Variants in STIM2 observed in about 807,000 individuals in gnomAD.
STIM2 encodes stromal interaction molecule 2.
STIM2 carries 31 observed loss-of-function variants against 85.8 expected under a neutral mutation model. The observed-to-expected ratio is 0.36, with a 90% confidence interval of 0.27 to 0.49. STIM2 has a LOEUF of 0.49. Among genes scored for constraint, STIM2 ranks in the 20% least tolerant of loss-of-function variants. The pLI, the probability that STIM2 is intolerant of heterozygous loss-of-function variation, is 0.98. For synonymous variants in STIM2, 356 were observed against 331.1 expected, an observed-to-expected ratio of 1.08 and a Z score of -0.82; for missense variants, 841 against 927.6, an observed-to-expected ratio of 0.91 and a Z score of 1.21.
intron 3 of STIM2, among the ~76,000 whole-genome samples, chr4:26,971,384 A>G (rs934102242): frequency 2.6e-5 from 4 of 152,146 alleles, no homozygotes; most frequent in South Asian, 2.1e-4. Context: ...TAGGTCTAAC[A>G]TTTAATTCTT....
chr4:26,908,452 TAATC>T (rs1191044570), intron 1 of STIM2, among the ~76,000 whole-genome samples: 6 of 152,176 alleles, frequency 3.9e-5, no homozygotes, highest in African/African-American at 1.2e-4. Flanking sequence ...TTGAATTAGA[TAATC>T]AAGTAAAGCA....
At chr4:26,967,224 T>G (rs1726756881) in intron 3 of STIM2, among the ~76,000 whole-genome samples, 2 of 152,124 alleles carry the variant, frequency 1.3e-5, no homozygotes, top group African/African-American at 2.4e-5. Context: ...CACTGGGAGA[T>G]TATAGTTGCA....
At position 27,017,899 on chromosome 4, in the gene STIM2, G is replaced by C. The variant is rs1370209711; in HGVS notation, c.1678G>C (p.Asp560His). The C allele has an allele frequency of 6.2e-7, 1 of 1,613,978 alleles. No individual in the cohort carries two copies. Among genetic ancestry groups the C allele is most frequent in the East Asian group, 2.2e-5 (1 of 44,882 alleles). The change falls in exon 11 of 12, where the codon GAT becomes CAT. Residue 560 changes from aspartate to histidine, a missense_variant. Coordinates refer to ENST00000467087, the MANE Select transcript of STIM2 (RefSeq NM_020860.4). Reference sequence around the variant, plus strand: ...ACACTCCTTGCCTTCCCCTGATCCAGATATCCTCTCAGTGTCAAGTTGCCC... The same window carrying C: ...ACACTCCTTGCCTTCCCCTGATCCACATATCCTCTCAGTGTCAAGTTGCCC...
At chr4:26,927,714 TAA>T (rs1179685123) in intron 2 of STIM2, among the ~76,000 whole-genome samples, 2 of 35,688 alleles carry the variant, frequency 5.6e-5, no homozygotes, top group Admixed American at 2.9e-4. Flanking sequence ...AAAACTTGAA[TAA>T]AAAAAAAAAC....
chr4:27,008,885 C>T lies in STIM2; in HGVS notation c.1372C>T (p.Leu458Phe), dbSNP rs149693330. Reference sequence around the variant, plus strand: ...AGGACTCCCCAGCCTGACCTCTTCCCTTTATTCTGATCACAGCTGGGTGGT... The same window carrying T: ...AGGACTCCCCAGCCTGACCTCTTCCTTTTATTCTGATCACAGCTGGGTGGT... The change falls in exon 10 of 12, where the codon CTT (leucine) becomes TTT (phenylalanine). Residue 458 changes from leucine (L) to phenylalanine (F), a missense_variant. Coordinates refer to ENST00000467087, the MANE Select transcript of STIM2 (RefSeq NM_020860.4). 75 of 1,614,052 alleles carry T rather than the reference C, an allele frequency of 4.6e-5. No homozygotes were observed. The highest frequency in any genetic ancestry group is 6.3e-5 in the Non-Finnish European group (74 of 1,180,030).
chr4:27,024,908 G>A lies in STIM2; in HGVS notation c.*1912G>A, dbSNP rs974720012. 2.6e-5 allele frequency: 4 copies of A among 152,210 alleles called. No individual in the cohort carries two copies. The highest frequency in any genetic ancestry group is 5.9e-5 in the Non-Finnish European group (4 of 68,052). 9.4% of individuals were successfully genotyped at this position (152,210 alleles called of 1,614,324 possible). The stretch of plus-strand genomic sequence containing the variant: ...AGGAATGAGAACTTTGCAGTTGGAT[G>A]AATAGAGAAGGGAAAAGTTGCTGGA... On this transcript the variant is annotated 3_prime_UTR_variant, in exon 12 of 12. Coordinates refer to ENST00000467087, the MANE Select transcript of STIM2 (RefSeq NM_020860.4).
At chr4:26,885,877 A>ATATGTC (rs1560194746) in intron 1 of STIM2, among the ~76,000 whole-genome samples, 26 of 132,016 alleles carry the variant, frequency 2.0e-4, no homozygotes, top group African/African-American at 7.2e-4. Flanking sequence ...ATATATATGT[A>ATATGTC]TATGTCTATT....
chr4:26,964,499 T>C (rs997029066), intron 3 of STIM2, among the ~76,000 whole-genome samples: 9 of 152,078 alleles, frequency 5.9e-5, no homozygotes, highest in Non-Finnish European at 1.2e-4. Context: ...ATAATGTGGC[T>C]TTGAGTGGGA....
At chr4:26,967,791 G>A (rs966076402) in intron 3 of STIM2, among the ~76,000 whole-genome samples, 2 of 152,044 alleles carry the variant, frequency 1.3e-5, no homozygotes, top group Non-Finnish European at 2.9e-5. Flanking sequence ...CTTCGTAAGT[G>A]ATTTCTTCCC....
At chr4:26,929,101 A>T (rs1221331934) in intron 2 of STIM2, among the ~76,000 whole-genome samples, 1 of 152,186 alleles carries the variant, frequency 6.6e-6, no homozygotes, top group East Asian at 1.9e-4. Context: ...TGAGAAGAAT[A>T]ATATTAAATA....
intron 2 of STIM2, among the ~76,000 whole-genome samples, chr4:26,936,199 T>G (rs1333600051): frequency 6.6e-6 from 1 of 152,236 alleles, no homozygotes; most frequent in Non-Finnish European, 1.5e-5. Context: ...ATTGTGAAAC[T>G]TCTACCTGGT....
At chr4:26,988,152 G>T (rs1197742985) in intron 3 of STIM2, among the ~76,000 whole-genome samples, 3 of 152,174 alleles carry the variant, frequency 2.0e-5, no homozygotes, top group Non-Finnish European at 4.4e-5. Flanking sequence ...GCATTTTTTT[G>T]TGTGTTAATC....
intron 2 of STIM2, among the ~76,000 whole-genome samples, chr4:26,945,527 C>A (rs934245110): frequency 6.6e-6 from 1 of 152,184 alleles, no homozygotes; most frequent in Non-Finnish European, 1.5e-5. Context: ...AATGGCCACA[C>A]TGTCTTCCAC....
At position 26,868,177 on chromosome 4, in the gene STIM2, C is replaced by T. The variant is rs1722473378; in HGVS notation, c.151+6808C>T. Among the ~76,000 whole-genome samples the T allele has an allele frequency of 2.0e-5, 3 of 152,188 alleles. No homozygotes were observed. In the South Asian group the frequency reaches 6.2e-4, roughly 32 times the overall value. On this transcript the variant is annotated intron_variant, in intron 1 of 11. Transcript: ENST00000467087. The stretch of plus-strand genomic sequence containing the variant: ...TTTTCATAAGATAGTGGTAACTCCC[C>T]TCCAGTACACACAGGCTGATTGGAG...
intron 1 of STIM2, among the ~76,000 whole-genome samples, chr4:26,885,859 A>ATATATGTGTATATATATATATATATG (rs1553845028): frequency 5.6e-5 from 5 of 89,430 alleles, no homozygotes; most frequent in Admixed American, 2.4e-4. Flanking sequence ...ATATATATAT[A>ATATATGTGTATATATATATATATATG]TATATATATA....
chr4:26,976,022 G>A (rs1039554313), intron 3 of STIM2, among the ~76,000 whole-genome samples: 1 of 152,236 alleles, frequency 6.6e-6, no homozygotes, highest in African/African-American at 2.4e-5. Flanking sequence ...CGCTAGCAGT[G>A]AGCAAGGCTT....
intron 1 of STIM2, among the ~76,000 whole-genome samples, chr4:26,869,319 A>G (rs1487500704): frequency 6.6e-6 from 1 of 151,188 alleles, no homozygotes; most frequent in Non-Finnish European, 1.5e-5. Flanking sequence ...AAAAAAAAAA[A>G]AGGAAGAAAA....
intron 2 of STIM2, among the ~76,000 whole-genome samples, chr4:26,949,572 A>C (rs966834594): frequency 1.3e-5 from 2 of 152,202 alleles, no homozygotes; most frequent in Non-Finnish European, 2.9e-5. Flanking sequence ...TTCTCTTTCC[A>C]AAGAAAGTGG....
At chr4:26,913,267 A>C (rs1724408103) in intron 1 of STIM2, among the ~76,000 whole-genome samples, 1 of 152,028 alleles carries the variant, frequency 6.6e-6, no homozygotes, top group Non-Finnish European at 1.5e-5. Flanking sequence ...GATGTATAAC[A>C]GTAGTAATTA....
Sources: gnomAD v4.1 joint callset for allele counts (sites outside exome capture counted in the v4.1 genomes callset) on GRCh38, gnomAD v4.1.1 for gene constraint, MANE v1.5 for transcripts, NCBI Gene and HGNC (gene_info 2026-07-23, HGNC 2026-07-21) for gene names.